TET3: variants seen among roughly 807,000 people sequenced by gnomAD.
TET3 encodes tet methylcytosine dioxygenase 3.
Under a neutral mutation model 141.4 loss-of-function variants are expected in TET3, and 19 were observed. The ratio of observed to expected loss-of-function variants is 0.13; its 90% confidence interval spans 0.09 to 0.20. TET3 has a LOEUF of 0.20. TET3 is among the 10% of genes least tolerant of loss of function. The pLI is 1.00. For missense variants in TET3, 1,874 were observed against 2,356.9 expected (o/e 0.80, Z 4.24); for synonymous variants, 1,043 against 980.9 (o/e 1.06, Z -1.18).
At chr2:74,120,081 G>C in the TET3 span, among the ~76,000 whole-genome samples, 5 of 152,244 alleles carry the variant, frequency 3.3e-5, no homozygotes, top group Non-Finnish European at 7.4e-5. Flanking sequence ...TAGGACTTTC[G>C]ATAGGCCGCC....
intron 3 of TET3, among the ~76,000 whole-genome samples, chr2:74,013,766 C>T (rs1212649488): frequency 1.3e-5 from 2 of 151,990 alleles, no homozygotes; most frequent in East Asian, 1.9e-4. Context: ...GAGCCGAGAT[C>T]GCACCACTGC....
chr2:74,039,482 A>G (rs970952738), intron 3 of TET3, among the ~76,000 whole-genome samples: 9 of 152,012 alleles, frequency 5.9e-5, no homozygotes, highest in African/African-American at 2.2e-4. Context: ...CTTCCTTTTC[A>G]TCTTAAAACT....
intron 3 of TET3, among the ~76,000 whole-genome samples, chr2:74,014,590 C>G (rs1685635304): frequency 1.3e-5 from 2 of 152,080 alleles, no homozygotes; most frequent in South Asian, 4.2e-4. Context: ...TAAGCAAAAT[C>G]AGTTTGAATT....
chr2:74,006,195 C>T (rs1256630932), intron 3 of TET3, among the ~76,000 whole-genome samples: 1 of 152,214 alleles, frequency 6.6e-6, no homozygotes, highest in African/African-American at 2.4e-5. Flanking sequence ...AGCCACTTCT[C>T]TCTCGGGTAT....
chr2:74,097,686 T>G (rs1305461457), intron 10 of TET3, among the ~76,000 whole-genome samples: 1 of 152,098 alleles, frequency 6.6e-6, no homozygotes. Context: ...TGGGGAAGTT[T>G]AGGATTGAAC....
In TET3 at chr2:74,073,651, A is replaced by G. The variant is rs1462197629; in HGVS notation, c.2585+12A>G. 1 of 1,596,668 alleles carries G rather than the reference A, an allele frequency of 6.3e-7. No homozygotes were observed. The highest frequency in any genetic ancestry group is 8.5e-7 in the Non-Finnish European group (1 of 1,171,306). On this transcript the variant is annotated intron_variant, in intron 5 of 11. Coordinates refer to ENST00000409262, the MANE Select transcript of TET3 (RefSeq NM_001287491.2). Reference sequence around the variant, plus strand: ...CTCATGGAGGAGCGGTGAGTGATACACAGATGTCCAAGGAGAAATGGATGT... The same window carrying G: ...CTCATGGAGGAGCGGTGAGTGATACGCAGATGTCCAAGGAGAAATGGATGT...
intron 4 of TET3, among the ~76,000 whole-genome samples, chr2:74,063,452 A>G (rs1351546571): frequency 6.6e-6 from 1 of 152,062 alleles, no homozygotes; most frequent in African/African-American, 2.4e-5. Context: ...GTGTAAGTTA[A>G]TTTTTCATTA....
At chr2:74,088,264 AC>A (rs1169201081) in intron 7 of TET3, among the ~76,000 whole-genome samples, 2 of 152,078 alleles carry the variant, frequency 1.3e-5, no homozygotes, top group African/African-American at 4.8e-5. Flanking sequence ...TCACCGTTAA[AC>A]CCCAGGTCGA....
At chr2:74,068,744 C>G (rs531334378) in intron 4 of TET3, among the ~76,000 whole-genome samples, 11 of 152,334 alleles carry the variant, frequency 7.2e-5, no homozygotes, top group African/African-American at 2.4e-4. Flanking sequence ...AATGACTTAT[C>G]AGACTTTTTG....
intron 3 of TET3, among the ~76,000 whole-genome samples, chr2:74,011,553 C>T (rs1046461371): frequency 1.3e-5 from 2 of 152,180 alleles, no homozygotes; most frequent in Non-Finnish European, 2.9e-5. Flanking sequence ...TGATAGGGCA[C>T]AGGGTAGGGG....
intron 3 of TET3, among the ~76,000 whole-genome samples, chr2:74,032,494 T>TGCGCGCGCGCGCGC (rs1558730189): frequency 1.4e-5 from 1 of 70,970 alleles, no homozygotes; most frequent in African/African-American, 1.2e-4. Context: ...TGTGTGTGTG[T>TGCGCGCGCGCGCGC]GTGTGTGTGT....
intron 4 of TET3, among the ~76,000 whole-genome samples, chr2:74,072,665 A>G (rs1005972659): frequency 3.9e-5 from 6 of 152,186 alleles, no homozygotes; most frequent in East Asian, 1.9e-4. Context: ...TACATTCACA[A>G]TATTGTGCAA....
chr2:74,101,572 C>T lies in TET3; in HGVS notation c.4784C>T (p.Ala1595Val). 1 of 1,608,870 alleles carries T rather than the reference C, an allele frequency of 6.2e-7. No homozygotes were observed. The highest frequency in any genetic ancestry group is 1.1e-5 in the South Asian group (1 of 90,582). ...PLGSSEKLFG[A>V]LKSEEKLWDP... The stretch of plus-strand genomic sequence containing the variant: ...GGATCCAGCGAGAAGCTGTTTGGGG[C>T]TCTGAAGTCAGAGGAGAAGCTGTGG... Residue 1595 changes from alanine to valine, a missense_variant, in exon 12 of 12, where the codon GCT (alanine) becomes GTT (valine). Ala to Val is a moderately conservative substitution (Grantham distance 64). Transcript: ENST00000409262. The surrounding 1 kb of genome is among the most constrained non-coding windows in gnomAD (Gnocchi z 8.5).
At chr2:74,017,296 T>A (rs914588164) in intron 3 of TET3, among the ~76,000 whole-genome samples, 1 of 152,192 alleles carries the variant, frequency 6.6e-6, no homozygotes, top group Non-Finnish European at 1.5e-5. Context: ...AATTGTGAAT[T>A]ATAGTTGCCC....
chr2:74,045,344 TCACCTGCTGC>T (rs1419242668), intron 3 of TET3, among the ~76,000 whole-genome samples: 2 of 152,268 alleles, frequency 1.3e-5, no homozygotes, highest in Non-Finnish European at 2.9e-5. Flanking sequence ...CATCATGCTT[TCACCTGCTGC>T]CACTGATGTC....
intron 7 of TET3, 72 bp downstream of exon 7, chr2:74,088,110 G>T (rs1347247406): frequency 4.1e-6 from 6 of 1,467,920 alleles, no homozygotes; most frequent in Non-Finnish European, 5.5e-6. Context: ...GAGACTGCAG[G>T]CAACCCTGGG....
intron 8 of TET3, among the ~76,000 whole-genome samples, chr2:74,090,686 C>A: frequency 6.6e-6 from 1 of 152,244 alleles, no homozygotes; most frequent in East Asian, 1.9e-4. Context: ...GGGGAAGGCG[C>A]CCTCAGGCTG....
chr2:74,099,243 C>G, intron 10 of TET3, 33 bp from the exon 11 acceptor site: 5 of 1,532,090 alleles, frequency 3.3e-6, no homozygotes, highest in Non-Finnish European at 4.4e-6. Flanking sequence ...GTCCCCCAAC[C>G]CCATGTCCTC....
At chr2:74,048,718 A>G (rs919648762) in intron 4 of TET3, among the ~76,000 whole-genome samples, 2 of 152,244 alleles carry the variant, frequency 1.3e-5, no homozygotes, top group African/African-American at 4.8e-5. Flanking sequence ...CAGAGCCATC[A>G]GATAGAAAGG....
Sources: allele counts gnomAD v4.1 joint callset (sites outside exome capture counted in the v4.1 genomes callset), GRCh38; gene constraint gnomAD v4.1.1; non-coding constraint Gnocchi (gnomAD v3.1); transcripts MANE v1.5; gene names NCBI Gene and HGNC (gene_info 2026-07-23, HGNC 2026-07-21).